CPEB3: variants seen among roughly 807,000 people sequenced by gnomAD.
CPEB3 encodes the protein cytoplasmic polyadenylation element binding protein 3.
In CPEB3, 20 loss-of-function variants were observed where a neutral mutation model predicts 67.2. The ratio of observed to expected loss-of-function variants is 0.30; its 90% CI spans 0.21 to 0.43. The LOEUF (loss-of-function observed/expected upper bound fraction) is 0.43. Among genes scored for constraint, CPEB3 ranks in the 20% least tolerant of loss-of-function variants. The pLI is 1.00. For synonymous variants in CPEB3, 376 were observed against 393.1 expected, an observed-to-expected ratio of 0.96 and a Z score of 0.51; for missense variants, 746 against 968.6, an observed-to-expected ratio of 0.77 and a Z score of 3.05.
chr10:92,266,431 A>T (rs1205273709), intron 1 of CPEB3, among the ~76,000 whole-genome samples: 1 of 152,186 alleles, frequency 6.6e-6, no homozygotes, highest in Non-Finnish European at 1.5e-5. Flanking sequence ...TAGAACAAAA[A>T]AGAAAGCACA....
chr10:92,262,032 G>T (rs540593825), intron 1 of CPEB3, among the ~76,000 whole-genome samples: 1 of 152,294 alleles, frequency 6.6e-6, no homozygotes, highest in East Asian at 1.9e-4. Flanking sequence ...CTAACCAACT[G>T]AAGCAATATC....
chr10:92,240,102 G>A lies in CPEB3; in HGVS notation c.249C>T (p.Phe83=), dbSNP rs1390482646. 1.3e-6 allele frequency: 2 copies of A among 1,579,340 alleles called. No individual in the cohort carries two copies. Among genetic ancestry groups the A allele is most frequent in the Non-Finnish European group, 1.7e-6 (2 of 1,162,346 alleles). The change falls in exon 2 of 10, where the codon TTC becomes TTT. Residue 83 remains phenylalanine (F), a synonymous_variant. Coordinates refer to ENST00000265997, the MANE Select transcript of CPEB3 (RefSeq NM_014912.5). The part of the protein sequence containing the change: ...MESPLLPGLS[F]HQPPQQPPPP... ...GCGGCGGCTGCTGAGGAGGCTGATG[G>A]AAACTCAAGCCTGGCAGGAGCGGTG...
intron 5 of CPEB3, 39 bp from the exon 6 acceptor site, chr10:92,143,157 A>C: frequency 6.7e-7 from 1 of 1,482,598 alleles, no homozygotes; most frequent in Non-Finnish European, 9.3e-7. Context: ...AAGAGAAAAA[A>C]ATATTGCAAT....
intron 4 of CPEB3, among the ~76,000 whole-genome samples, chr10:92,149,465 C>CAGTGAA (rs1199831816): frequency 6.6e-6 from 1 of 152,146 alleles, no homozygotes; most frequent in South Asian, 2.1e-4. Context: ...AGTGAAGAAG[C>CAGTGAA]AGATGTGGAA....
rs150429013 is a variant in CPEB3, at chr10:92,167,011, C to T, written c.1222+13952G>A. On this transcript the variant is annotated intron_variant, in intron 4 of 9. Coordinates refer to ENST00000265997, the MANE Select transcript of CPEB3 (RefSeq NM_014912.5). ...ACCTTGCACTTTTATGTTATGGAGACGGCTTTTTCCCTTAAACCTCAGGAA... is the reference window on the plus strand; with the variant it reads ...ACCTTGCACTTTTATGTTATGGAGATGGCTTTTTCCCTTAAACCTCAGGAA... Among the ~76,000 whole-genome samples the T allele has an allele frequency of 9.7e-3, 1,473 of 152,260 alleles. 25 individuals are homozygous for T. The highest frequency in any genetic ancestry group is 0.032 in the African/African-American group (1,335 of 41,554).
chr10:92,197,461 T>C (rs1849296387), intron 2 of CPEB3, among the ~76,000 whole-genome samples: 1 of 152,218 alleles, frequency 6.6e-6, no homozygotes, highest in African/African-American at 2.4e-5. Flanking sequence ...AAGTTGCAAG[T>C]GGCAACTAAC....
chr10:92,207,373 T>C (rs1458690494), intron 2 of CPEB3, among the ~76,000 whole-genome samples: 1 of 152,120 alleles, frequency 6.6e-6, no homozygotes, highest in African/African-American at 2.4e-5. Context: ...TGAGAATTGC[T>C]AACTAGGAAT....
At chr10:92,150,251 T>G (rs749165449) in intron 4 of CPEB3, among the ~76,000 whole-genome samples, 49 of 150,894 alleles carry the variant, frequency 3.2e-4, no homozygotes, top group Non-Finnish European at 5.9e-4. Context: ...CTGCTCTCTC[T>G]CTCTCTTTTT....
intron 7 of CPEB3, among the ~76,000 whole-genome samples, chr10:92,104,379 C>CTT (rs397845791): frequency 6.1e-4 from 78 of 127,206 alleles, no homozygotes; most frequent in Middle Eastern, 3.9e-3. Context: ...GGAAATGCAA[C>CTT]TTTTTTTTTT....
chr10:92,093,491 T>C (rs2133319098), intron 7 of CPEB3, among the ~76,000 whole-genome samples: 1 of 152,196 alleles, frequency 6.6e-6, no homozygotes, highest in Admixed American at 6.5e-5. Context: ...ATTGCTCAGT[T>C]AGAAACAGTC....
intron 2 of CPEB3, chr10:92,216,447 C>T: frequency 1.9e-6 from 3 of 1,612,746 alleles, no homozygotes; most frequent in Non-Finnish European, 1.7e-6. Context: ...CAGCTCCTGG[C>T]TTCTCGCCGC....
intron 1 of CPEB3, among the ~76,000 whole-genome samples, chr10:92,283,277 A>T (rs913742289): frequency 6.6e-6 from 1 of 151,978 alleles, no homozygotes; most frequent in Admixed American, 6.6e-5. Flanking sequence ...AAATCCCCTA[A>T]ATCACCCTCA....
chr10:92,156,159 G>C (rs1279525535), intron 4 of CPEB3, among the ~76,000 whole-genome samples: 2 of 152,110 alleles, frequency 1.3e-5, no homozygotes, highest in Admixed American at 1.3e-4. Context: ...AGCAGAATCA[G>C]AGGAAAACAC....
At chr10:92,088,062 T>C (rs1843447537) in intron 8 of CPEB3, among the ~76,000 whole-genome samples, 2 of 152,090 alleles carry the variant, frequency 1.3e-5, no homozygotes. Flanking sequence ...TTGTCACCGA[T>C]GGGAATGATG....
chr10:92,289,732 A>AAAAAAAAATATATATATAT, intron 1 of CPEB3, among the ~76,000 whole-genome samples: 3 of 75,772 alleles, frequency 4.0e-5, no homozygotes, highest in Non-Finnish European at 5.1e-5. Context: ...AAAAAAAAAA[A>AAAAAAAAATATATATATAT]ATATATATAT....
At chr10:92,152,323 A>G (rs896606474) in intron 4 of CPEB3, among the ~76,000 whole-genome samples, 1 of 152,176 alleles carries the variant, frequency 6.6e-6, no homozygotes, top group Non-Finnish European at 1.5e-5. Flanking sequence ...CTAGGCGACC[A>G]CTAATCTCCG....
At chr10:92,254,195 C>T (rs1852423446) in intron 1 of CPEB3, among the ~76,000 whole-genome samples, 1 of 151,646 alleles carries the variant, frequency 6.6e-6, no homozygotes, top group Admixed American at 6.6e-5. Context: ...TGTCAATGCA[C>T]CTCAGCCTGG....
intron 1 of CPEB3, among the ~76,000 whole-genome samples, chr10:92,251,137 G>A (rs1293465129): frequency 1.3e-5 from 2 of 152,156 alleles, no homozygotes; most frequent in Non-Finnish European, 2.9e-5. Flanking sequence ...GTACACGTTT[G>A]TAAGCTAGAA....
chr10:92,118,280 C>T (rs1001696450), intron 6 of CPEB3, among the ~76,000 whole-genome samples: 1 of 152,054 alleles, frequency 6.6e-6, no homozygotes, highest in Non-Finnish European at 1.5e-5. Context: ...TACAGGCATG[C>T]ACCACCACAC....
Sources: allele counts gnomAD v4.1 joint callset (sites outside exome capture counted in the v4.1 genomes callset), GRCh38; gene constraint gnomAD v4.1.1; transcripts MANE v1.5; gene names NCBI Gene and HGNC (gene_info 2026-07-23, HGNC 2026-07-21).